HM13: variants seen among roughly 807,000 people sequenced by gnomAD.
The protein encoded by HM13 is signal peptide peptidase.
HM13 carries 18 observed loss-of-function variants against 50.0 expected under a neutral mutation model. The ratio of observed to expected loss-of-function variants is 0.36; its 90% confidence interval spans 0.25 to 0.53. The LOEUF (loss-of-function observed/expected upper bound fraction) is 0.53. HM13 is among the 20% of genes least tolerant of loss of function. The probability of loss-of-function intolerance (pLI) is 0.90; values close to 1 mark genes in which losing one functional copy is unlikely to be tolerated. For synonymous variants in HM13, 197 were observed against 232.6 expected, an observed-to-expected ratio of 0.85 and a Z score of 1.39; for missense variants, 393 against 552.4, an observed-to-expected ratio of 0.71 and a Z score of 2.89.
chr20:31,556,616 T>A (rs1195171650), intron 8 of HM13, among the ~76,000 whole-genome samples: 1 of 152,068 alleles, frequency 6.6e-6, no homozygotes, highest in African/African-American at 2.4e-5. Flanking sequence ...ACTGTCCAAC[T>A]GCAAAAAAGG....
At chr20:31,544,004 C>A (rs1983587222) in intron 3 of HM13, among the ~76,000 whole-genome samples, 1 of 152,176 alleles carries the variant, frequency 6.6e-6, no homozygotes, top group African/African-American at 2.4e-5. Flanking sequence ...CTGCCTCATC[C>A]CTGCTAAAGA....
At chr20:31,522,032 G>A (rs938195331) in intron 1 of HM13, among the ~76,000 whole-genome samples, 2 of 151,886 alleles carry the variant, frequency 1.3e-5, no homozygotes, top group African/African-American at 4.8e-5. Flanking sequence ...ACCCGCAAAG[G>A]AGACCAGAGT....
chr20:31,547,672 G>A (rs945776739), intron 4 of HM13: 15 of 1,479,594 alleles, frequency 1.0e-5, no homozygotes, highest in African/African-American at 1.4e-5. Context: ...CCGATGCCAC[G>A]AACATACAGA....
intron 1 of HM13, among the ~76,000 whole-genome samples, chr20:31,515,421 G>T (rs182773089): frequency 6.6e-6 from 1 of 152,220 alleles, no homozygotes; most frequent in East Asian, 1.9e-4. Context: ...ACTAGGCATG[G>T]ACGTCTTATT....
intron 7 of HM13, chr20:31,554,542 T>C (rs1398034612): frequency 5.9e-6 from 3 of 511,532 alleles, no homozygotes; most frequent in East Asian, 3.5e-5. Flanking sequence ...ATTAGCTGGG[T>C]GCGGTGGTGG....
chr20:31,529,783 G>A (rs1331065745), intron 2 of HM13, among the ~76,000 whole-genome samples: 2 of 151,864 alleles, frequency 1.3e-5, no homozygotes, highest in South Asian at 2.1e-4. Flanking sequence ...CCTGGCCAAC[G>A]TGGTGAAACC....
intron 4 of HM13, chr20:31,547,877 C>A: frequency 1.0e-6 from 1 of 1,003,202 alleles, no homozygotes; most frequent in Admixed American, 1.7e-5. Context: ...AAGCTGTACC[C>A]TGCTGCAGTA....
chr20:31,564,869 AAAG>A (rs1420540177), intron 10 of HM13, among the ~76,000 whole-genome samples: 1 of 151,420 alleles, frequency 6.6e-6, no homozygotes, highest in African/African-American at 2.4e-5. Flanking sequence ...AAAAAAAAGA[AAAG>A]AAAAGAAACT....
chr20:31,535,010 C>T (rs1169588278), intron 2 of HM13, among the ~76,000 whole-genome samples: 2 of 151,602 alleles, frequency 1.3e-5, no homozygotes, highest in Admixed American at 6.6e-5. Flanking sequence ...GGCGTGAACC[C>T]GGGAGGCACA....
In HM13 at chr20:31,560,165, G is replaced by A. The variant is rs778637187; in HGVS notation, c.845+518G>A. On this transcript the variant is annotated intron_variant, in intron 9 of 12. Transcript: ENST00000398174. ...TCAGTCTGTTGTAGACAGTGAGCAC[G>A]AGGGGGAGAAGGTGGGCAACTTAGG... 3.9e-5 allele frequency among the ~76,000 whole-genome samples: 6 copies of A among 152,206 alleles called. No individual in the cohort carries two copies. In the East Asian group the frequency reaches 5.8e-4, roughly 15 times the overall value.
intron 3 of HM13, among the ~76,000 whole-genome samples, chr20:31,543,432 C>T (rs1170512261): frequency 6.6e-6 from 1 of 152,060 alleles, no homozygotes; most frequent in Non-Finnish European, 1.5e-5. Flanking sequence ...ATTACAGGCA[C>T]CTGCCACCAC....
intron 1 of HM13, among the ~76,000 whole-genome samples, chr20:31,522,392 A>C (rs188856939): frequency 0.018 from 2,671 of 152,166 alleles, 37 homozygotes; most frequent in Non-Finnish European, 0.024. Context: ...GTGAAACCCC[A>C]TCTCTACTAA....
chr20:31,553,663 A>G (rs1984148627), intron 7 of HM13, among the ~76,000 whole-genome samples: 1 of 152,028 alleles, frequency 6.6e-6, no homozygotes, highest in African/African-American at 2.4e-5. Context: ...GGCCCTATGG[A>G]TGAAATCCAG....
chr20:31,530,863 T>C (rs541193718), intron 2 of HM13, among the ~76,000 whole-genome samples: 1 of 152,318 alleles, frequency 6.6e-6, no homozygotes, highest in East Asian at 1.9e-4. Flanking sequence ...CTATCTGCAG[T>C]AGGTCTACCA....
chr20:31,518,754 AG>A (rs1472305444), intron 1 of HM13, among the ~76,000 whole-genome samples: 1 of 152,062 alleles, frequency 6.6e-6, no homozygotes, highest in Non-Finnish European at 1.5e-5. Flanking sequence ...GCTACTCTGG[AG>A]GTTGAGGCGA....
chr20:31,549,968 T>C, intron 6 of HM13, 96 bp from the exon 7 acceptor site: 1 of 912,678 alleles, frequency 1.1e-6, no homozygotes, highest in Non-Finnish European at 1.8e-6. Flanking sequence ...TCCCCTCAGA[T>C]CCCAGGCAGC....
At chr20:31,567,588 CT>C (rs1984997537) in intron 11 of HM13, 1 of 152,222 alleles carries the variant, frequency 6.6e-6, no homozygotes, top group Non-Finnish European at 1.5e-5. Context: ...TTCTATTCTC[CT>C]CCTTTTTTTA....
At chr20:31,530,848 C>T (rs1217781259) in intron 2 of HM13, among the ~76,000 whole-genome samples, 1 of 152,116 alleles carries the variant, frequency 6.6e-6, no homozygotes, top group Non-Finnish European at 1.5e-5. Context: ...TTATTTTCTT[C>T]AAGTCTATCT....
intron 10 of HM13, 93 bp from the exon 11 acceptor site, chr20:31,566,117 T>A: frequency 1.1e-6 from 1 of 895,520 alleles, no homozygotes; most frequent in Non-Finnish European, 1.8e-6. Context: ...TCACTGTCCT[T>A]CAGTCCAGCC....
Sources: gnomAD v4.1 joint callset for allele counts (sites outside exome capture counted in the v4.1 genomes callset) on GRCh38, gnomAD v4.1.1 for gene constraint, MANE v1.5 for transcripts, NCBI Gene and HGNC (gene_info 2026-07-23, HGNC 2026-07-21) for gene names.